SDK1: variants seen among roughly 807,000 people sequenced by gnomAD.
SDK1 encodes protein sidekick-1.
SDK1 carries 157 observed loss-of-function variants against 245.5 expected under a neutral mutation model. That is an observed-to-expected ratio of 0.64 (90% CI 0.56 to 0.73). SDK1 has a LOEUF of 0.73. Ranked by LOEUF, SDK1 falls within the 30% of genes least tolerant of loss-of-function variation. The probability of loss-of-function intolerance (pLI) is 0.00; values close to 1 mark genes in which losing one functional copy is unlikely to be tolerated. For synonymous variants in SDK1, 1,647 were observed against 1,278.5 expected, an observed-to-expected ratio of 1.29 and a Z score of -6.15; for missense variants, 3,583 against 3,002.3, an observed-to-expected ratio of 1.19 and a Z score of -4.52.
intron 1 of SDK1, among the ~76,000 whole-genome samples, chr7:3,514,732 T>G (rs1782685356): frequency 6.6e-6 from 1 of 152,194 alleles, no homozygotes; most frequent in African/African-American, 2.4e-5. Context: ...CCCCGTCTCC[T>G]TGACCAGAAC....
intron 1 of SDK1, among the ~76,000 whole-genome samples, chr7:3,615,611 A>G (rs1269966693): frequency 6.6e-6 from 1 of 151,736 alleles, no homozygotes; most frequent in Non-Finnish European, 1.5e-5. Flanking sequence ...GCTGGTACAT[A>G]GCATCAGTGC....
At chr7:3,392,971 TTTTTTTTTTC>T (rs1023046317) in intron 1 of SDK1, among the ~76,000 whole-genome samples, 13 of 135,722 alleles carry the variant, frequency 9.6e-5, no homozygotes, top group Non-Finnish European at 1.6e-4. Flanking sequence ...ATTTTTTTTT[TTTTTTTTTTC>T]TTTTTTGAGA....
rs769723222 is a variant in SDK1 at position 4,266,898 on chromosome 7, G to A, written c.*1514G>A. 2.6e-4 allele frequency: 256 copies of A among 985,384 alleles called. No individual in the cohort carries two copies. Among genetic ancestry groups the A allele is most frequent in the Non-Finnish European group, 2.9e-4 (240 of 829,998 alleles). The allele number at this position is 985,384 out of a possible 1,614,324, so 61.0% of individuals were successfully genotyped here. On this transcript the variant is annotated 3_prime_UTR_variant, in exon 45 of 45. Coordinates refer to ENST00000404826, the MANE Select transcript of SDK1 (RefSeq NM_152744.4). Reference sequence around the variant, plus strand: ...AGTGCACGGCAAACGGGCAGGTGCCGTTCCCCCAGTGACCTGAGGGTAGGG... The same window carrying A: ...AGTGCACGGCAAACGGGCAGGTGCCATTCCCCCAGTGACCTGAGGGTAGGG...
At chr7:3,810,931 T>G (rs1245166764) in intron 4 of SDK1, among the ~76,000 whole-genome samples, 1 of 152,256 alleles carries the variant, frequency 6.6e-6, no homozygotes, top group Non-Finnish European at 1.5e-5. Flanking sequence ...TAGAGGCTTC[T>G]GGTCATTTTA....
At chr7:3,845,801 A>G (rs1780263599) in intron 5 of SDK1, among the ~76,000 whole-genome samples, 1 of 152,184 alleles carries the variant, frequency 6.6e-6, no homozygotes, top group Non-Finnish European at 1.5e-5. Flanking sequence ...CAAAATAATA[A>G]AAGTAAAATA....
intron 5 of SDK1, among the ~76,000 whole-genome samples, chr7:3,945,677 C>T (rs1164277053): frequency 6.6e-6 from 1 of 151,896 alleles, no homozygotes; most frequent in Non-Finnish European, 1.5e-5. Context: ...AGGCGGATCA[C>T]AAACGAGGTC....
At chr7:3,696,334 G>A (rs1461186216) in intron 4 of SDK1, among the ~76,000 whole-genome samples, 4 of 151,980 alleles carry the variant, frequency 2.6e-5, no homozygotes, top group African/African-American at 7.3e-5. Context: ...ACATTGCACC[G>A]TATATGTTTG....
At chr7:3,650,246 T>A (rs758885827) in intron 4 of SDK1, among the ~76,000 whole-genome samples, 4 of 152,170 alleles carry the variant, frequency 2.6e-5, no homozygotes, top group Admixed American at 6.5e-5. Flanking sequence ...CTTTTAAGTA[T>A]AGTTAGTGGC....
Position 3,821,494 on chromosome 7 carries a change from C to G in SDK1, c.758C>G (p.Thr253Ser). Residue 253 changes from threonine (T) to serine (S), a missense_variant, in exon 5 of 45, where the codon ACC becomes AGC. By Grantham distance (58) the Thr-to-Ser change is moderately conservative (BLOSUM62 1). Transcript: ENST00000404826. Reference protein sequence around the residue: ...ENQLVILATTTSDAGAYYVQA... With the variant: ...ENQLVILATTSSDAGAYYVQA... ...CAGCTGGTGATCCTCGCCACCACAA[C>G]CAGTGATGCCGGGGCATACTACGTG... 3 of 1,613,706 alleles carry G rather than the reference C, an allele frequency of 1.9e-6. No individual in the cohort carries two copies. The highest frequency in any genetic ancestry group is 2.2e-5 in the South Asian group (2 of 91,002).
rs181552110 is a variant in SDK1 at position 3,946,989 on chromosome 7, A to G, written c.848-3934A>G. Among the ~76,000 whole-genome samples the G allele has an allele frequency of 1.8e-3, 280 of 152,306 alleles. 1 individual carries two copies. Among genetic ancestry groups the G allele is most frequent in the Middle Eastern group, 3.4e-3 (1 of 294 alleles). On this transcript the variant is annotated intron_variant, in intron 5 of 44. Transcript: ENST00000404826. ...GTCTTAACAATATGTGTCTATTGCTAGTTCTTGATTTGCCAATTTTAGACG... is the reference window on the plus strand; with the variant it reads ...GTCTTAACAATATGTGTCTATTGCTGGTTCTTGATTTGCCAATTTTAGACG...
At chr7:3,591,308 C>T (rs936078287) in intron 1 of SDK1, among the ~76,000 whole-genome samples, 42 of 152,240 alleles carry the variant, frequency 2.8e-4, no homozygotes, top group African/African-American at 9.4e-4. Context: ...TCCCAGTAGC[C>T]CCTTTTTAAA....
intron 13 of SDK1, among the ~76,000 whole-genome samples, chr7:3,975,731 A>G (rs921617776): frequency 6.6e-5 from 10 of 152,238 alleles, no homozygotes; most frequent in Non-Finnish European, 1.2e-4. Flanking sequence ...TCAGTACCTG[A>G]AAAACATCCC....
At chr7:3,441,833 G>T (rs897652432) in intron 1 of SDK1, among the ~76,000 whole-genome samples, 1 of 152,142 alleles carries the variant, frequency 6.6e-6, no homozygotes, top group Non-Finnish European at 1.5e-5. Flanking sequence ...AAACCACTCA[G>T]TGTCACCGAT....
intron 35 of SDK1, among the ~76,000 whole-genome samples, chr7:4,198,463 C>G (rs538060047): frequency 3.3e-5 from 5 of 152,366 alleles, no homozygotes; most frequent in Admixed American, 2.6e-4. Flanking sequence ...TCCTGCACTT[C>G]CTTCCTCTGC....
intron 4 of SDK1, among the ~76,000 whole-genome samples, chr7:3,696,735 A>G (rs1784584483): frequency 4.6e-5 from 7 of 152,076 alleles, no homozygotes; most frequent in Admixed American, 4.6e-4. Context: ...GAAATAATAT[A>G]TATTTAATTA....
At chr7:4,183,640 CAAAAAAAAAA>C (rs548155248) in intron 35 of SDK1, among the ~76,000 whole-genome samples, 3 of 73,154 alleles carry the variant, frequency 4.1e-5, no homozygotes, top group South Asian at 4.2e-4. Flanking sequence ...GACTCCGTCT[CAAAAAAAAAA>C]AAAAAAAAAG....
chr7:3,966,921 A>G (rs1178177752), intron 9 of SDK1, among the ~76,000 whole-genome samples: 1 of 152,124 alleles, frequency 6.6e-6, no homozygotes, highest in Non-Finnish European at 1.5e-5. Context: ...CCTGAACTCA[A>G]GCAGTCCTCT....
intron 4 of SDK1, among the ~76,000 whole-genome samples, chr7:3,725,238 G>C (rs887416499): frequency 3.9e-5 from 6 of 152,162 alleles, no homozygotes; most frequent in African/African-American, 9.7e-5. Context: ...CAGGGTTCAA[G>C]GAAGACGGAC....
At chr7:3,453,252 A>C (rs1489641202) in intron 1 of SDK1, among the ~76,000 whole-genome samples, 1 of 152,218 alleles carries the variant, frequency 6.6e-6, no homozygotes, top group African/African-American at 2.4e-5. Flanking sequence ...CAATGGCTCT[A>C]GAACTTGGCT....
Sources: allele counts gnomAD v4.1 joint callset (sites outside exome capture counted in the v4.1 genomes callset), GRCh38; gene constraint gnomAD v4.1.1; transcripts MANE v1.5; gene names NCBI Gene and HGNC (gene_info 2026-07-23, HGNC 2026-07-21).